Variants in SPTBN1 observed in about 807,000 individuals in gnomAD.
SPTBN1 encodes spectrin beta chain, non-erythrocytic 1.
SPTBN1 carries 32 observed loss-of-function variants against 266.4 expected under a neutral mutation model. The ratio of observed to expected loss-of-function variants is 0.12; its 90% CI spans 0.09 to 0.16. The LOEUF (loss-of-function observed/expected upper bound fraction) is 0.16, where lower values mean the gene tolerates loss of function less well. Ranked by LOEUF, SPTBN1 falls within the 10% of genes least tolerant of loss-of-function variation. The pLI is 1.00. For synonymous variants in SPTBN1, 1,336 were observed against 1,162.2 expected (o/e 1.15, Z -3.04); for missense variants, 2,296 against 3,067.1 (o/e 0.75, Z 5.94).
intron 1 of SPTBN1, among the ~76,000 whole-genome samples, chr2:54,485,839 C>T (rs1012059761): frequency 6.7e-5 from 10 of 148,670 alleles, no homozygotes; most frequent in Non-Finnish European, 7.4e-5. Context: ...GCCTCTGCCC[C>T]GCCGCCCTGT....
At chr2:54,525,951 C>T (rs1405242035) in intron 1 of SPTBN1, among the ~76,000 whole-genome samples, 14 of 152,014 alleles carry the variant, frequency 9.2e-5, no homozygotes, top group Non-Finnish European at 1.8e-4. Flanking sequence ...AGGCTGGCCT[C>T]GAACTCCTGA....
At chr2:54,625,011 AAC>A (rs776622783) in intron 11 of SPTBN1, 49 bp downstream of exon 11, 6 of 1,522,950 alleles carry the variant, frequency 3.9e-6, no homozygotes, top group Non-Finnish European at 5.3e-6. Context: ...GTAATCTAGA[AAC>A]ACAGACCATC....
chr2:54,495,352 T>G (rs1459754794), intron 1 of SPTBN1, among the ~76,000 whole-genome samples: 1 of 152,162 alleles, frequency 6.6e-6, no homozygotes, highest in Non-Finnish European at 1.5e-5. Context: ...GGAACCCTTA[T>G]GTGATGCCAC....
In SPTBN1 at chr2:54,625,211, G is replaced by A. The variant is rs144236479; in HGVS notation, c.1341+249G>A. Among the ~76,000 whole-genome samples, 143 of 152,312 alleles carry A rather than the reference G, an allele frequency of 9.4e-4. 1 individual carries two copies. The highest frequency in any genetic ancestry group is 3.4e-3 in the African/African-American group (141 of 41,572). Reference sequence around the variant, plus strand: ...TTTGTTTTAGAGCCATTGAGTGTGTGTGAACTGTTCACATTTATAAGTTTT... The same window carrying A: ...TTTGTTTTAGAGCCATTGAGTGTGTATGAACTGTTCACATTTATAAGTTTT... On this transcript the variant is annotated intron_variant, in intron 11 of 35. Transcript: ENST00000356805.
Position 54,649,148 on chromosome 2 carries a change from C to G in SPTBN1, c.5160C>G (p.Val1720=), listed in dbSNP as rs368730014. The G allele has an allele frequency of 6.2e-7, 1 of 1,611,378 alleles. No individual in the cohort carries two copies. The highest frequency in any genetic ancestry group is 8.5e-7 in the Non-Finnish European group (1 of 1,178,296). The part of the protein sequence containing the change: ...LEQWIAEREV[V]AGSHELGQDY... Reference sequence around the variant, plus strand: ...AGTGGATCGCTGAGAGGGAGGTGGTCGCAGGGTCCCATGAACTGGGACAGG... The same window carrying G: ...AGTGGATCGCTGAGAGGGAGGTGGTGGCAGGGTCCCATGAACTGGGACAGG... The change falls in exon 25 of 36, where the codon GTC becomes GTG. Residue 1720 remains valine, a synonymous_variant. Coordinates refer to ENST00000356805, the MANE Select transcript of SPTBN1 (RefSeq NM_003128.3). This position sits in a 1 kb window ranked among gnomAD's most constrained non-coding sequence, Gnocchi z 6.7.
At chr2:54,659,710 G>A (rs1035214403) in intron 31 of SPTBN1, among the ~76,000 whole-genome samples, 2 of 152,134 alleles carry the variant, frequency 1.3e-5, no homozygotes, top group African/African-American at 4.8e-5. Flanking sequence ...AACCTCTAAT[G>A]CTGCCTTTAT....
chr2:54,560,868 G>T (rs1673250734), intron 2 of SPTBN1, among the ~76,000 whole-genome samples: 1 of 152,150 alleles, frequency 6.6e-6, no homozygotes, highest in African/African-American at 2.4e-5. Flanking sequence ...GCATCCTTCA[G>T]AACAAATGAA....
At chr2:54,477,688 CG>C (rs1667905208) in intron 1 of SPTBN1, among the ~76,000 whole-genome samples, 1 of 151,958 alleles carries the variant, frequency 6.6e-6, no homozygotes, top group South Asian at 2.1e-4. Context: ...CTGAGGTGGG[CG>C]GAGCACGAGG....
At chr2:54,662,358 C>A (rs939271694) in intron 32 of SPTBN1, 2 of 977,824 alleles carry the variant, frequency 2.0e-6, no homozygotes, top group East Asian at 1.1e-4. Flanking sequence ...CATTAATGAT[C>A]TCTGCATACT....
At chr2:54,602,836 G>A (rs527437942) in intron 3 of SPTBN1, among the ~76,000 whole-genome samples, 29 of 152,300 alleles carry the variant, frequency 1.9e-4, no homozygotes, top group Non-Finnish European at 2.9e-4. Context: ...CAAATCCCAC[G>A]TTGAACTGCT....
chr2:54,488,974 T>C (rs75162206), intron 1 of SPTBN1, among the ~76,000 whole-genome samples: 5,188 of 151,996 alleles, frequency 0.034, 243 homozygotes, highest in African/African-American at 0.098. Flanking sequence ...AAAATAACTT[T>C]TAATGCTGGG....
chr2:54,480,995 GCTA>G (rs1300445717), intron 1 of SPTBN1, among the ~76,000 whole-genome samples: 3 of 152,080 alleles, frequency 2.0e-5, no homozygotes, highest in African/African-American at 4.8e-5. Context: ...TGTAGAGGGA[GCTA>G]CTTTTATTGT....
In SPTBN1 at chr2:54,653,342, T is replaced by G. The variant is rs1245293142; in HGVS notation, c.5578-267T>G. 4.8e-6 allele frequency: 2 copies of G among 421,006 alleles called. No homozygotes were observed. The highest frequency in any genetic ancestry group is 8.1e-6 in the Non-Finnish European group (2 of 246,232). 26.1% of individuals were successfully genotyped at this position (421,006 alleles called of 1,614,324 possible). On this transcript the variant is annotated intron_variant, in intron 26 of 35. Coordinates refer to ENST00000356805, the MANE Select transcript of SPTBN1 (RefSeq NM_003128.3). The surrounding 1 kb of genome is among the most constrained non-coding windows in gnomAD (Gnocchi z 5.1). ...CAGGCTGCCTCCAGGGGACTTTCCC[T>G]GACTAAACTCTCCTGCCTGTCTTCC...
rs201382982 is a variant in SPTBN1 at position 54,616,296 on chromosome 2, T to G, written c.564T>G (p.Ala188=). Residue 188 remains alanine (A), a splice_region_variant and synonymous_variant, in exon 5 of 36, where the codon GCT becomes GCG. Transcript: ENST00000356805. ...ALLLWCQMKT[A]GYPNVNIHNF... The stretch of plus-strand genomic sequence containing the variant: ...TGTTGTGGTGCCAGATGAAGACAGC[T>G]GGGTGAGTGTGAATGAAGAGGGTAT... 98 of 1,613,340 alleles carry G rather than the reference T, an allele frequency of 6.1e-5. No homozygotes were observed. The highest frequency in any genetic ancestry group is 1.6e-4 in the Middle Eastern group (1 of 6,076).
intron 2 of SPTBN1, among the ~76,000 whole-genome samples, chr2:54,547,166 T>C (rs1213131890): frequency 1.3e-5 from 2 of 152,204 alleles, no homozygotes; most frequent in African/African-American, 4.8e-5. Flanking sequence ...TTCTACTTTC[T>C]CTTTCCATGA....
At chr2:54,511,872 A>G (rs933656851) in intron 1 of SPTBN1, among the ~76,000 whole-genome samples, 2 of 152,094 alleles carry the variant, frequency 1.3e-5, no homozygotes, top group Admixed American at 1.3e-4. Flanking sequence ...CTCCATCTCA[A>G]AAAATAATAA....
At chr2:54,641,361 GT>G (rs1407587305) in intron 18 of SPTBN1, among the ~76,000 whole-genome samples, 2 of 152,190 alleles carry the variant, frequency 1.3e-5, no homozygotes, top group Non-Finnish European at 2.9e-5. Context: ...ATATGTGAAT[GT>G]CCTTGGCACT....
chr2:54,579,674 A>G (rs769936412), intron 2 of SPTBN1, among the ~76,000 whole-genome samples: 13 of 152,230 alleles, frequency 8.5e-5, no homozygotes, highest in Non-Finnish European at 1.9e-4. Flanking sequence ...TACCTTTGTA[A>G]GTCCCGAGAA....
chr2:54,531,832 T>C (rs1413230504), intron 2 of SPTBN1, among the ~76,000 whole-genome samples: 1 of 151,942 alleles, frequency 6.6e-6, no homozygotes, highest in East Asian at 1.9e-4. Context: ...CAGGAGGAAA[T>C]ACAGAGAACT....
Sources: allele counts gnomAD v4.1 joint callset (sites outside exome capture counted in the v4.1 genomes callset), GRCh38; gene constraint gnomAD v4.1.1; non-coding constraint Gnocchi (gnomAD v3.1); transcripts MANE v1.5; gene names NCBI Gene and HGNC (gene_info 2026-07-23, HGNC 2026-07-21).